The following RPS9 variants were observed in gnomAD, a reference collection of about 807,000 sequenced individuals.
RPS9 encodes the protein small ribosomal subunit protein uS4.
RPS9 carries 1 observed loss-of-function variant against 16.9 expected under a neutral mutation model. The ratio of observed to expected loss-of-function variants is 0.06; its 90% CI spans 0.02 to 0.28. The LOEUF (loss-of-function observed/expected upper bound fraction) is 0.28. RPS9 is among the 10% of genes least tolerant of loss of function. The probability of loss-of-function intolerance (pLI) is 1.00; values close to 1 mark genes in which losing one functional copy is unlikely to be tolerated. For missense variants in RPS9, 137 were observed against 273.2 expected, an observed-to-expected ratio of 0.50 and a Z score of 3.51; for synonymous variants, 106 against 110.9, an observed-to-expected ratio of 0.96 and a Z score of 0.28.
intron 4 of RPS9, 88 bp from the exon 5 acceptor site, chr19:54,207,310 G>A (rs73615921): frequency 1.0e-5 from 12 of 1,188,902 alleles, no homozygotes; most frequent in African/African-American, 4.5e-5. Flanking sequence ...GCGGCCTCAC[G>A]GGGTGGGTGG....
At chr19:54,206,671 C>T in intron 4 of RPS9, 1 of 1,543,720 alleles carries the variant, frequency 6.5e-7, no homozygotes, top group Non-Finnish European at 8.7e-7. Flanking sequence ...GTCACTGCGG[C>T]TCTAGCCGTA....
intron 3 of RPS9, chr19:54,202,770 C>T: frequency 3.0e-6 from 3 of 985,428 alleles, no homozygotes; most frequent in Non-Finnish European, 3.6e-6. Context: ...GACTGTTAGG[C>T]ATGAGAGTGG....
rs11084319 is a variant in RPS9 at position 54,207,600 on chromosome 19, T to A, written c.*25T>A. 1 of 1,563,314 alleles carries A rather than the reference T, an allele frequency of 6.4e-7. No individual in the cohort carries two copies. Among genetic ancestry groups the A allele is most frequent in the South Asian group, 1.2e-5 (1 of 86,408 alleles). On this transcript the variant is annotated 3_prime_UTR_variant, in exon 5 of 5. Transcript: ENST00000302907. ...AGTCCACCTGTCCCTCCTGGGCTGC[T>A]GGATTGTCTCGTTTTCCTGCCAAAT...
At chr19:54,203,642 G>A (rs768983247) in intron 3 of RPS9, among the ~76,000 whole-genome samples, 1 of 152,156 alleles carries the variant, frequency 6.6e-6, no homozygotes, top group Non-Finnish European at 1.5e-5. Context: ...GCATGGTGGT[G>A]TGCCTATAAT....
At position 54,206,431 on chromosome 19, in the gene RPS9, G is replaced by A; in HGVS notation, c.376G>A (p.Ala126Thr). Residue 126 changes from alanine to threonine, a missense_variant, in exon 4 of 5, where the codon GCT becomes ACT. Ala to Thr is a moderately conservative substitution (Grantham distance 58). Around this residue, in one of 3 missense-constraint regions of RPS9, gnomAD observed 54 missense variants for 90.9 expected, o/e 0.59. Coordinates refer to ENST00000302907, the MANE Select transcript of RPS9 (RefSeq NM_001013.4). ...GGGCTTGGCCAAGTCCATCCACCAC[G>A]CTCGCGTGCTGATCCGCCAGCGCCA... ...KLGLAKSIHH[A>T]RVLIRQRHIR... 2 of 1,614,264 alleles carry A rather than the reference G, an allele frequency of 1.2e-6. No homozygotes were observed. The highest frequency in any genetic ancestry group is 1.7e-6 in the Non-Finnish European group (2 of 1,180,038).
chr19:54,207,278 C>T (rs982550451), intron 4 of RPS9, 120 bp from the exon 5 acceptor site: 21 of 786,490 alleles, frequency 2.7e-5, no homozygotes, highest in East Asian at 5.3e-5. Context: ...CTTCCTGCAG[C>T]GCCTTGGTGT....
At chr19:54,201,875 C>A in intron 3 of RPS9, 1 of 579,164 alleles carries the variant, frequency 1.7e-6, no homozygotes, top group Admixed American at 3.2e-5. Flanking sequence ...CACACCTGGG[C>A]ACCCGTCTAT....
Position 54,206,365 on chromosome 19 carries a change from G to A in RPS9, c.310G>A (p.Asp104Asn). ...TTACATCCTGGGCCTGAAGATAGAG[G>A]ATTTCTTAGAGAGACGCCTGCAGAC... is the stretch of plus-strand genomic sequence containing the variant. Reference protein sequence around the residue: ...LDYILGLKIEDFLERRLQTQV... With the variant: ...LDYILGLKIENFLERRLQTQV... Residue 104 changes from aspartate to asparagine, a missense_variant, in exon 4 of 5, where the codon GAT becomes AAT. Asp to Asn is a conservative substitution (Grantham distance 23). Around this residue, in one of 3 missense-constraint regions of RPS9, gnomAD observed 64 missense variants for 164.0 expected, o/e 0.39. Coordinates refer to ENST00000302907, the MANE Select transcript of RPS9 (RefSeq NM_001013.4). 1 of 1,614,222 alleles carries A rather than the reference G, an allele frequency of 6.2e-7. No homozygotes were observed.
intron 4 of RPS9, chr19:54,206,800 C>A: frequency 7.5e-7 from 1 of 1,325,528 alleles, no homozygotes; most frequent in Non-Finnish European, 1.0e-6. Context: ...CAGCTGTCTC[C>A]TGGCCCGCTT....
chr19:54,201,410 T>C, intron 2 of RPS9, 77 bp from the exon 3 acceptor site: 2 of 1,608,590 alleles, frequency 1.2e-6, no homozygotes, highest in Non-Finnish European at 1.7e-6. Flanking sequence ...AGGAAGGTTT[T>C]GTGATTCCAA....
intron 3 of RPS9, among the ~76,000 whole-genome samples, chr19:54,204,465 A>G (rs1392727001): frequency 2.0e-5 from 3 of 152,178 alleles, no homozygotes; most frequent in African/African-American, 7.2e-5. Flanking sequence ...GCACAGTGGC[A>G]TGGTCGTGGC....
At chr19:54,201,130 C>A (rs766282714) in intron 1 of RPS9, 30 bp from the exon 2 acceptor site, 11 of 1,611,444 alleles carry the variant, frequency 6.8e-6, no homozygotes, top group East Asian at 4.5e-5. Flanking sequence ...CCGTTTGGAT[C>A]CCTTACGCTC....
At chr19:54,207,088 G>C in intron 4 of RPS9, 1 of 464,064 alleles carries the variant, frequency 2.2e-6, no homozygotes. Context: ...TGGGGTTCAC[G>C]ATATTTCAGA....
chr19:54,202,812 C>T (rs11084315), intron 3 of RPS9: 14 of 985,080 alleles, frequency 1.4e-5, no homozygotes, highest in East Asian at 1.1e-4. Context: ...AAAGTCCTGG[C>T]GCATGTTTAG....
chr19:54,203,310 C>T (rs1399164529), intron 3 of RPS9: 2 of 985,198 alleles, frequency 2.0e-6, no homozygotes, highest in African/African-American at 1.7e-5. Flanking sequence ...AGCCATCTAG[C>T]CTAGTCAGGG....
chr19:54,207,618 T>C lies in RPS9; in HGVS notation c.*43T>C. 4 of 1,515,246 alleles carry C rather than the reference T, an allele frequency of 2.6e-6. No homozygotes were observed. Among genetic ancestry groups the C allele is most frequent in the Non-Finnish European group, 3.6e-6 (4 of 1,122,884 alleles). 93.9% of individuals were successfully genotyped at this position (1,515,246 alleles called of 1,614,324 possible). A position where few individuals can be genotyped will look rare whatever the true frequency, so the allele number is the denominator to read the frequency against. On this transcript the variant is annotated 3_prime_UTR_variant, in exon 5 of 5. Coordinates refer to ENST00000302907, the MANE Select transcript of RPS9 (RefSeq NM_001013.4). ...GGGCTGCTGGATTGTCTCGTTTTCC[T>C]GCCAAATAAACAGGATCAGCGCTTT...
At chr19:54,202,248 C>G (rs561514497) in intron 3 of RPS9, 46 of 177,298 alleles carry the variant, frequency 2.6e-4, no homozygotes, top group African/African-American at 1.0e-3. Context: ...GTAGTTGTCG[C>G]AATCTTGGCT....
rs376177926 is a variant in RPS9, at chr19:54,206,774, G to C, written c.407+312G>C. 13 of 1,420,114 alleles carry C rather than the reference G, an allele frequency of 9.2e-6. No homozygotes were observed. In the African/African-American group the frequency reaches 1.7e-4, roughly 19 times the overall value. The allele number at this position is 1,420,114 out of a possible 1,614,324, so 88.0% of individuals were successfully genotyped here. ...GGAGGGAGAGAACCAGCCTCACCTC[G>C]CTTGGGTGGTGGGTTCAGCTGTCTC... is the stretch of plus-strand genomic sequence containing the variant. On this transcript the variant is annotated intron_variant, in intron 4 of 4. Transcript: ENST00000302907.
intron 2 of RPS9, 37 bp from the exon 3 acceptor site, chr19:54,201,450 G>C (rs1156984249): frequency 6.2e-7 from 1 of 1,613,392 alleles, no homozygotes; most frequent in Admixed American, 1.7e-5. Flanking sequence ...GTGCCAGTAC[G>C]TGGGACTACA....
Sources: allele counts gnomAD v4.1 joint callset (sites outside exome capture counted in the v4.1 genomes callset), GRCh38; gene constraint gnomAD v4.1.1; regional missense constraint gnomAD v4.1.1; transcripts MANE v1.5; gene names NCBI Gene and HGNC (gene_info 2026-07-23, HGNC 2026-07-21).